Variants in KLHL2 observed in about 807,000 individuals in gnomAD.
KLHL2 encodes kelch-like protein 2.
In KLHL2, 15 loss-of-function variants were observed where a neutral mutation model predicts 75.8. That is an observed-to-expected ratio of 0.20 (90% CI 0.13 to 0.30). The LOEUF is 0.30. KLHL2 is among the 10% of genes least tolerant of loss of function. The probability of loss-of-function intolerance (pLI) is 1.00; values close to 1 mark genes in which losing one functional copy is unlikely to be tolerated. For missense variants in KLHL2, 381 were observed against 741.0 expected (o/e 0.51, Z 5.64); for synonymous variants, 214 against 251.9 (o/e 0.85, Z 1.42).
intron 14 of KLHL2, 28 bp from the exon 15 acceptor site, chr4:165,322,003 CT>C (rs761483869): frequency 6.2e-7 from 1 of 1,611,490 alleles, no homozygotes; most frequent in South Asian, 1.1e-5. Flanking sequence ...CCTGTGACTT[CT>C]TTTTTCTCTC....
chr4:165,313,121 G>C, intron 11 of KLHL2, 117 bp from the exon 12 acceptor site: 1 of 974,342 alleles, frequency 1.0e-6, no homozygotes, highest in Non-Finnish European at 1.5e-6. Context: ...AGCACTTTAA[G>C]GGGAAACTCT....
chr4:165,265,106 T>C (rs916926700), intron 5 of KLHL2, among the ~76,000 whole-genome samples: 1 of 152,120 alleles, frequency 6.6e-6, no homozygotes, highest in African/African-American at 2.4e-5. Context: ...AGGTTTTAAT[T>C]TGCATTTTCC....
chr4:165,237,943 C>T (rs548277349), intron 3 of KLHL2, among the ~76,000 whole-genome samples: 1 of 152,238 alleles, frequency 6.6e-6, no homozygotes, highest in East Asian at 1.9e-4. Context: ...CTACTCTCCC[C>T]AAGTCTCCTT....
chr4:165,234,695 G>C (rs28488397), intron 3 of KLHL2, among the ~76,000 whole-genome samples: 1 of 146,318 alleles, frequency 6.8e-6, no homozygotes, highest in African/African-American at 2.5e-5. Context: ...GCTCACTGCA[G>C]CCTCCGTCTC....
At chr4:165,235,127 T>C (rs1283656488) in intron 3 of KLHL2, among the ~76,000 whole-genome samples, 1 of 152,266 alleles carries the variant, frequency 6.6e-6, no homozygotes, top group Non-Finnish European at 1.5e-5. Context: ...TTAAGACTAA[T>C]TTTAAAGTGC....
chr4:165,295,368 A>G (rs1445514062), intron 6 of KLHL2, among the ~76,000 whole-genome samples: 1 of 152,248 alleles, frequency 6.6e-6, no homozygotes. Context: ...ATGTGAAAGC[A>G]TTTGTGACAT....
At chr4:165,285,064 G>C (rs749455207) in intron 5 of KLHL2, among the ~76,000 whole-genome samples, 22 of 152,308 alleles carry the variant, frequency 1.4e-4, no homozygotes, top group Middle Eastern at 3.4e-3. Flanking sequence ...TACAAGATGA[G>C]ATTTGGATGG....
chr4:165,226,878 T>G (rs1004298622), intron 2 of KLHL2, among the ~76,000 whole-genome samples: 4 of 152,142 alleles, frequency 2.6e-5, no homozygotes. Flanking sequence ...CTGCCTCTAG[T>G]TGGAGGACTT....
chr4:165,252,684 C>T (rs1004790616), intron 4 of KLHL2: 1 of 151,964 alleles, frequency 6.6e-6, no homozygotes, highest in African/African-American at 2.4e-5. Flanking sequence ...AGCTATATCA[C>T]TGACATGGAT....
intron 11 of KLHL2, among the ~76,000 whole-genome samples, chr4:165,312,596 T>G (rs1356623352): frequency 1.3e-5 from 2 of 152,180 alleles, no homozygotes; most frequent in Admixed American, 6.5e-5. Context: ...CAATTCATTT[T>G]AAAACATTTT....
intron 4 of KLHL2, among the ~76,000 whole-genome samples, chr4:165,243,360 C>T (rs1365136512): frequency 1.3e-5 from 2 of 152,148 alleles, no homozygotes; most frequent in Non-Finnish European, 2.9e-5. Flanking sequence ...TAAACAGTGC[C>T]CATGAAAGTA....
chr4:165,284,391 C>G (rs1743927274), intron 5 of KLHL2, among the ~76,000 whole-genome samples: 1 of 152,176 alleles, frequency 6.6e-6, no homozygotes. Flanking sequence ...TAAATCATCT[C>G]TCTCAAGTTC....
intron 13 of KLHL2, among the ~76,000 whole-genome samples, chr4:165,317,519 C>A (rs1488666012): frequency 1.3e-5 from 2 of 152,048 alleles, no homozygotes; most frequent in Admixed American, 6.5e-5. Context: ...CACACTCCCC[C>A]ATGCCTGGCT....
chr4:165,287,944 ATTTTC>A (rs1372311781), intron 5 of KLHL2, among the ~76,000 whole-genome samples: 2 of 151,988 alleles, frequency 1.3e-5, no homozygotes, highest in African/African-American at 4.8e-5. Flanking sequence ...ACTTGCAAAT[ATTTTC>A]TTCTCTTCTA....
chr4:165,292,969 C>G (rs1462195979), intron 5 of KLHL2, among the ~76,000 whole-genome samples: 1 of 152,138 alleles, frequency 6.6e-6, no homozygotes, highest in Non-Finnish European at 1.5e-5. Flanking sequence ...AAACCACTAG[C>G]TTATTTAATC....
chr4:165,228,735 A>G (rs1738651623), intron 2 of KLHL2, 72 bp from the exon 3 acceptor site: 2 of 885,314 alleles, frequency 2.3e-6, no homozygotes, highest in Admixed American at 4.1e-5. Context: ...TTACTGTAAT[A>G]TTTTTGCATA....
At chr4:165,251,699 T>C (rs1740721655) in intron 4 of KLHL2, among the ~76,000 whole-genome samples, 1 of 142,396 alleles carries the variant, frequency 7.0e-6, no homozygotes, top group Admixed American at 7.2e-5. Flanking sequence ...AAGCTCCGCC[T>C]CCCGGGTTCA....
At chr4:165,230,946 T>C (rs914110358) in intron 3 of KLHL2, among the ~76,000 whole-genome samples, 1 of 152,246 alleles carries the variant, frequency 6.6e-6, no homozygotes, top group African/African-American at 2.4e-5. Context: ...TATAGTGTAT[T>C]ACAACTAACT....
chr4:165,227,260 A>G (rs2111027349), intron 2 of KLHL2, among the ~76,000 whole-genome samples: 1 of 152,300 alleles, frequency 6.6e-6, no homozygotes, highest in South Asian at 2.1e-4. Context: ...TCTAAATGGC[A>G]TAGCAGTCTC....
Sources: allele counts gnomAD v4.1 joint callset (sites outside exome capture counted in the v4.1 genomes callset), GRCh38; gene constraint gnomAD v4.1.1; transcripts MANE v1.5; gene names NCBI Gene and HGNC (gene_info 2026-07-23, HGNC 2026-07-21).